SYNE2: variants seen among roughly 807,000 people sequenced by gnomAD.
SYNE2 encodes the protein nesprin-2.
A neutral mutation model predicts 856.3 loss-of-function variants in SYNE2; 431 were observed. The observed-to-expected ratio is 0.50, with a 90% CI of 0.47 to 0.55. SYNE2 has a LOEUF of 0.55. Among genes scored for constraint, SYNE2 ranks in the 20% least tolerant of loss-of-function variants. The pLI, the probability that SYNE2 is intolerant of heterozygous loss-of-function variation, is 0.00. For synonymous variants in SYNE2, 2,923 were observed against 2,872.3 expected (o/e 1.02, Z -0.56); for missense variants, 8,129 against 8,023.2 (o/e 1.01, Z -0.50).
At chr14:64,097,886 G>A in intron 61 of SYNE2, 63 bp from the exon 62 acceptor site, 2 of 1,540,530 alleles carry the variant, frequency 1.3e-6, no homozygotes, top group Admixed American at 1.7e-5. Flanking sequence ...AAGGAAGCAG[G>A]CTGCTCTGGG....
At position 64,202,853 on chromosome 14, in the gene SYNE2, A is replaced by G. The variant is rs2098581525; in HGVS notation, c.18091A>G (p.Met6031Val). ...TTTTATTCAGCAGTTGGACAAAAAC[A>G]TGAGCAACCTTCGCACCTGGTTGGC... Reference protein sequence around the residue: ...FAFIQQLDKNMSNLRTWLARI... With the variant: ...FAFIQQLDKNVSNLRTWLARI... Residue 6031 changes from methionine to valine, a missense_variant, in exon 100 of 116, where the codon ATG becomes GTG. Met to Val is a conservative substitution (Grantham distance 21, BLOSUM62 1). Around this residue, in one of 3 missense-constraint regions of SYNE2, gnomAD observed 5,410 missense variants for 5,284.8 expected, o/e 1.02. Transcript: ENST00000555002. 3 of 1,614,214 alleles carry G rather than the reference A, an allele frequency of 1.9e-6. No homozygotes were observed. Among genetic ancestry groups the G allele is most frequent in the South Asian group, 2.2e-5 (2 of 91,076 alleles).
At chr14:63,908,947 CT>C (rs2095440468) in intron 1 of SYNE2, among the ~76,000 whole-genome samples, 150 bp from the exon 2 acceptor site, 1 of 152,202 alleles carries the variant, frequency 6.6e-6, no homozygotes, top group Admixed American at 6.5e-5. Context: ...GGCATAGTTA[CT>C]TTGTTCTTCA....
At chr14:63,841,832 C>CTTTTTTTTTTTTT (rs34947861) in intron 1 of SYNE2, among the ~76,000 whole-genome samples, 54 of 115,050 alleles carry the variant, frequency 4.7e-4, no homozygotes, top group East Asian at 1.3e-3. Flanking sequence ...TTCTTTCTTT[C>CTTTTTTTTTTTTT]TTTTTTTTTT....
intron 48 of SYNE2, 33 bp downstream of exon 48, chr14:64,053,690 G>T: frequency 6.2e-7 from 1 of 1,604,764 alleles, no homozygotes; most frequent in Admixed American, 1.7e-5. Context: ...TTAGTGGCTG[G>T]GTGCGGGGGC....
chr14:63,971,971 G>A (rs892164243), intron 11 of SYNE2, among the ~76,000 whole-genome samples: 2 of 152,326 alleles, frequency 1.3e-5, no homozygotes, highest in Admixed American at 1.3e-4. Context: ...CACAGGAAAA[G>A]TTTGCTGACC....
intron 1 of SYNE2, among the ~76,000 whole-genome samples, chr14:63,788,676 C>T (rs1469558956): frequency 2.0e-5 from 3 of 152,234 alleles, no homozygotes; most frequent in Admixed American, 6.5e-5. Flanking sequence ...CCCGGCGTCC[C>T]GCTGCCTCCA....
chr14:64,218,535 G>T, intron 109 of SYNE2, 23 bp downstream of exon 109: 1 of 1,602,398 alleles, frequency 6.2e-7, no homozygotes, highest in Non-Finnish European at 8.5e-7. Flanking sequence ...ACTGGCAGTC[G>T]TCCAGAGAGG....
In SYNE2 at chr14:64,070,125, A is replaced by G. The variant is rs1035895903; in HGVS notation, c.10432-520A>G. Among the ~76,000 whole-genome samples, 10 of 152,306 alleles carry G rather than the reference A, an allele frequency of 6.6e-5. No homozygotes were observed. In the East Asian group the frequency reaches 1.9e-3, roughly 29 times the overall value. ...TGTATTTCTGAGTTCTGTGTACACC[A>G]CTATTGATAAATACTTCACTGGTTT... On this transcript the variant is annotated intron_variant, in intron 51 of 115. Coordinates refer to ENST00000555002, the MANE Select transcript of SYNE2 (RefSeq NM_182914.3).
intron 15 of SYNE2, 114 bp downstream of exon 15, chr14:63,980,846 G>A: frequency 9.2e-7 from 1 of 1,091,552 alleles, no homozygotes; most frequent in South Asian, 1.4e-5. Flanking sequence ...ATGTTTTCCT[G>A]GGAAAATTCT....
At chr14:63,881,008 C>A (rs977396364) in intron 1 of SYNE2, among the ~76,000 whole-genome samples, 1 of 151,926 alleles carries the variant, frequency 6.6e-6, no homozygotes, top group African/African-American at 2.4e-5. Context: ...CCACCACATC[C>A]GGCTAATTTT....
intron 113 of SYNE2, among the ~76,000 whole-genome samples, chr14:64,224,206 A>G (rs1009044790): frequency 6.7e-6 from 1 of 148,310 alleles, no homozygotes; most frequent in Non-Finnish European, 1.5e-5. Flanking sequence ...AAAAAAATAC[A>G]AAACCAGGTG....
At chr14:64,006,569 C>A (rs138081961) in intron 30 of SYNE2, among the ~76,000 whole-genome samples, 69 of 152,164 alleles carry the variant, frequency 4.5e-4, no homozygotes, top group African/African-American at 1.5e-3. Flanking sequence ...TAGCTCACAC[C>A]TGTAATCCCA....
Position 64,165,302 on chromosome 14 carries a change from T to G in SYNE2, c.16497T>G (p.Phe5499Leu). The change falls in exon 90 of 116, where the codon TTT becomes TTG. Residue 5499 changes from phenylalanine to leucine, a missense_variant. Around this residue, in one of 3 missense-constraint regions of SYNE2, gnomAD observed 5,410 missense variants for 5,284.8 expected, o/e 1.02. Coordinates refer to ENST00000555002, the MANE Select transcript of SYNE2 (RefSeq NM_182914.3). ...ANEFEFVLSQ[F>L]KDFGVRLESL... ...TGTTCTAGTTTGTTCTCTCACAGTT[T>G]AAGGATTTTGGAGTCCGGCTGGAAT... 6.2e-7 allele frequency: 1 copy of G among 1,613,944 alleles called. No individual in the cohort carries two copies. Among genetic ancestry groups the G allele is most frequent in the Non-Finnish European group, 8.5e-7 (1 of 1,179,856 alleles).
intron 51 of SYNE2, among the ~76,000 whole-genome samples, chr14:64,070,093 T>C (rs970503599): frequency 6.6e-6 from 1 of 152,204 alleles, no homozygotes; most frequent in Non-Finnish European, 1.5e-5. Flanking sequence ...TGTGATGTAA[T>C]AGGTTATGTA....
At chr14:63,847,483 AATTTGCTTT>A (rs1327204606) in intron 1 of SYNE2, among the ~76,000 whole-genome samples, 1 of 152,042 alleles carries the variant, frequency 6.6e-6, no homozygotes, top group Non-Finnish European at 1.5e-5. Context: ...AATAAAATAA[AATTTGCTTT>A]ATTTGCTTTA....
Position 64,097,943 on chromosome 14 carries a change from A to G in SYNE2, c.12109-6A>G, listed in dbSNP as rs768413279. 16 of 1,614,190 alleles carry G rather than the reference A, an allele frequency of 9.9e-6. No homozygotes were observed. The highest frequency in any genetic ancestry group is 1.4e-5 in the Non-Finnish European group (16 of 1,180,010). On this transcript the variant is annotated splice_region_variant and splice_polypyrimidine_tract_variant and intron_variant, in intron 61 of 115. Transcript: ENST00000555002. ...TCAAACCTATGCAAACACTCTTTCT[A>G]CACAGGGAGAAATCGAACGTATGGA...
chr14:63,807,907 G>A (rs1204634967), intron 1 of SYNE2, among the ~76,000 whole-genome samples: 1 of 126,258 alleles, frequency 7.9e-6, no homozygotes, highest in Non-Finnish European at 1.6e-5. Flanking sequence ...TGGTTACATG[G>A]ATAAGTTCTT....
In SYNE2 at chr14:63,961,755, T is replaced by G. The variant is rs1011988140; in HGVS notation, c.888+130T>G. On this transcript the variant is annotated intron_variant, in intron 9 of 115. Coordinates refer to ENST00000555002, the MANE Select transcript of SYNE2 (RefSeq NM_182914.3). The stretch of plus-strand genomic sequence containing the variant: ...TTTAATGAGCATACACCCCTGTAAA[T>G]CATACTTCAATCATGATGTAAAACA... 3.6e-5 allele frequency: 26 copies of G among 716,292 alleles called. No individual in the cohort carries two copies. In the Admixed American group the frequency reaches 3.9e-4, roughly 11 times the overall value. 44.4% of individuals were successfully genotyped at this position (716,292 alleles called of 1,614,324 possible).
At chr14:64,143,209 G>C (rs907540160) in intron 82 of SYNE2, among the ~76,000 whole-genome samples, 6 of 152,198 alleles carry the variant, frequency 3.9e-5, no homozygotes, top group African/African-American at 1.4e-4. Flanking sequence ...AAATCAGTAA[G>C]TGACAGGTTT....
Sources: gnomAD v4.1 joint callset for allele counts (sites outside exome capture counted in the v4.1 genomes callset) on GRCh38, gnomAD v4.1.1 for gene constraint, gnomAD v4.1.1 regional missense constraint, MANE v1.5 for transcripts, NCBI Gene and HGNC (gene_info 2026-07-23, HGNC 2026-07-21) for gene names.